The following TMEM131 variants were observed in gnomAD, a reference collection of about 807,000 sequenced individuals.
TMEM131 encodes the protein 2610524E03Rik.
A neutral mutation model predicts 211.6 loss-of-function variants in TMEM131; 66 were observed. The ratio of observed to expected loss-of-function variants is 0.31; its 90% confidence interval spans 0.26 to 0.38. The LOEUF (loss-of-function observed/expected upper bound fraction) is 0.38. Among genes scored for constraint, TMEM131 ranks in the 10% least tolerant of loss-of-function variants. The probability of loss-of-function intolerance (pLI) is 1.00; values close to 1 mark genes in which losing one functional copy is unlikely to be tolerated. For synonymous variants in TMEM131, 844 were observed against 841.3 expected (o/e 1.00, Z -0.06); for missense variants, 2,036 against 2,299.3 (o/e 0.89, Z 2.34).
At chr2:97,834,018 C>A (rs1241241876) in intron 10 of TMEM131, among the ~76,000 whole-genome samples, 1 of 152,022 alleles carries the variant, frequency 6.6e-6, no homozygotes, top group African/African-American at 2.4e-5. Context: ...AGCTTTCCAG[C>A]AAAACATAAT....
chr2:97,790,901 A>T (rs562172049), intron 31 of TMEM131, among the ~76,000 whole-genome samples: 1 of 152,368 alleles, frequency 6.6e-6, no homozygotes, highest in South Asian at 2.1e-4. Context: ...AGAACTCAAT[A>T]GAGCTAGTTT....
intron 4 of TMEM131, among the ~76,000 whole-genome samples, chr2:97,882,659 GC>G (rs1193174880): frequency 6.6e-6 from 1 of 152,156 alleles, no homozygotes; most frequent in Non-Finnish European, 1.5e-5. Flanking sequence ...TGGGCTTTGA[GC>G]TTGCTTAACC....
chr2:97,957,898 C>G (rs1678644194), intron 1 of TMEM131, among the ~76,000 whole-genome samples: 1 of 152,074 alleles, frequency 6.6e-6, no homozygotes, highest in Admixed American at 6.5e-5. Context: ...ACGGCTAAGG[C>G]TGGACCTCCT....
chr2:97,777,556 T>C (rs1391779465), intron 31 of TMEM131, among the ~76,000 whole-genome samples: 1 of 152,264 alleles, frequency 6.6e-6, no homozygotes, highest in African/African-American at 2.4e-5. Context: ...AAACATTTAC[T>C]ACCTGGCCCT....
chr2:97,830,294 G>A (rs1168170436), intron 11 of TMEM131, among the ~76,000 whole-genome samples: 1 of 152,118 alleles, frequency 6.6e-6, no homozygotes, highest in African/African-American at 2.4e-5. Context: ...CTTGTAGTAA[G>A]CATATTTATA....
At chr2:97,762,007 A>G (rs765993007) in intron 36 of TMEM131, 28 bp downstream of exon 36, 3 of 1,530,242 alleles carry the variant, frequency 2.0e-6, no homozygotes, top group Non-Finnish European at 2.6e-6. Context: ...TTTCAAGCTG[A>G]GAACCGGAAA....
At position 97,771,441 on chromosome 2, in the gene TMEM131, T is replaced by C. The variant is rs376224490; in HGVS notation, c.4448+856A>G. On this transcript the variant is annotated intron_variant, in intron 33 of 40. Coordinates refer to ENST00000186436, the MANE Select transcript of TMEM131 (RefSeq NM_015348.2). ...ATGATTCCCAGGATCAGAGTAAGAA[T>C]AGACCTTCCACAAATCTATGGCCCA... Among the ~76,000 whole-genome samples, 7 of 152,280 alleles carry C rather than the reference T, an allele frequency of 4.6e-5. No individual in the cohort carries two copies. In the East Asian group the frequency reaches 7.7e-4, roughly 17 times the overall value.
intron 26 of TMEM131, 34 bp from the exon 27 acceptor site, chr2:97,797,020 C>T (rs753120408): frequency 2.1e-5 from 34 of 1,594,658 alleles, no homozygotes; most frequent in Middle Eastern, 1.7e-4. Context: ...ATTTTTCTCT[C>T]ATTAAATCTG....
rs1681593912 is a variant in TMEM131, at chr2:97,812,487, G to A, written c.1797C>T (p.Gly599=). 1.9e-6 allele frequency: 3 copies of A among 1,612,798 alleles called. No homozygotes were observed. The highest frequency in any genetic ancestry group is 2.5e-6 in the Non-Finnish European group (3 of 1,179,338). The stretch of plus-strand genomic sequence containing the variant: ...GGCTTGAAATTATTGTAGTTCTATT[G>A]CCTCTTTCCACAGCTACAAGTTCTA... ...LSIELVAVER[G]NRTTIISSLP... is the part of the protein sequence containing the mutation. The change falls in exon 17 of 41, where the codon GGC becomes GGT. Residue 599 remains glycine (G), a synonymous_variant. Coordinates refer to ENST00000186436, the MANE Select transcript of TMEM131 (RefSeq NM_015348.2).
chr2:97,932,012 T>A (rs943138419), intron 1 of TMEM131, among the ~76,000 whole-genome samples: 2 of 151,752 alleles, frequency 1.3e-5, no homozygotes, highest in Non-Finnish European at 2.9e-5. Context: ...GAAGCAAGTC[T>A]GAAAAACATA....
At chr2:97,950,888 T>C (rs1246923143) in intron 1 of TMEM131, among the ~76,000 whole-genome samples, 1 of 152,190 alleles carries the variant, frequency 6.6e-6, no homozygotes, top group Non-Finnish European at 1.5e-5. Context: ...GAGCTTAGTT[T>C]CCAGGTACTA....
intron 4 of TMEM131, among the ~76,000 whole-genome samples, chr2:97,872,170 G>C (rs1199630043): frequency 6.6e-6 from 1 of 152,150 alleles, no homozygotes; most frequent in Non-Finnish European, 1.5e-5. Context: ...CAGGAGAGTA[G>C]GAATGATCAG....
intron 26 of TMEM131, 24 bp downstream of exon 26, chr2:97,797,341 C>T (rs1384098645): frequency 6.4e-7 from 1 of 1,552,366 alleles, no homozygotes; most frequent in Admixed American, 2.1e-5. Flanking sequence ...AAAAATGAAC[C>T]CACACCTATA....
chr2:97,986,434 A>G (rs1245125747), intron 1 of TMEM131, among the ~76,000 whole-genome samples: 2 of 152,242 alleles, frequency 1.3e-5, no homozygotes, highest in Admixed American at 1.3e-4. Flanking sequence ...GTTTTTCACC[A>G]TTTATTAATC....
In TMEM131 at chr2:97,905,579, C is replaced by T. The variant is rs187676496; in HGVS notation, c.290+3079G>A. On this transcript the variant is annotated intron_variant, in intron 3 of 40. Transcript: ENST00000186436. ...TTTTTTAGTCATTTTTCTCCCTGTGCTTCAGTTTAAATTACTGCTGTCACT... is the reference window on the plus strand; with the variant it reads ...TTTTTTAGTCATTTTTCTCCCTGTGTTTCAGTTTAAATTACTGCTGTCACT... Among the ~76,000 whole-genome samples the T allele has an allele frequency of 3.4e-4, 52 of 152,280 alleles. 1 individual carries two copies. The highest frequency in any genetic ancestry group is 3.1e-3 in the Admixed American group (47 of 15,294).
chr2:97,967,130 C>G (rs1474249916), intron 1 of TMEM131, among the ~76,000 whole-genome samples: 1 of 152,170 alleles, frequency 6.6e-6, no homozygotes, highest in Non-Finnish European at 1.5e-5. Flanking sequence ...GGGAGTTACT[C>G]AGATCCAGAC....
intron 3 of TMEM131, among the ~76,000 whole-genome samples, chr2:97,908,456 C>T (rs1271800001): frequency 6.6e-6 from 1 of 152,140 alleles, no homozygotes; most frequent in African/African-American, 2.4e-5. Flanking sequence ...ACAGGGGAGG[C>T]ATGCTACACA....
At chr2:97,985,099 T>G (rs1254617387) in intron 1 of TMEM131, among the ~76,000 whole-genome samples, 1 of 152,054 alleles carries the variant, frequency 6.6e-6, no homozygotes, top group Admixed American at 6.6e-5. Flanking sequence ...ATATAAGAAA[T>G]TTCCTATTAT....
At chr2:97,799,271 TAAAA>T (rs200143558) in intron 25 of TMEM131, among the ~76,000 whole-genome samples, 2 of 143,324 alleles carry the variant, frequency 1.4e-5, no homozygotes, top group African/African-American at 5.1e-5. Flanking sequence ...CATTTGTATT[TAAAA>T]AAAAAAAAAG....
Sources: allele counts gnomAD v4.1 joint callset (sites outside exome capture counted in the v4.1 genomes callset), GRCh38; gene constraint gnomAD v4.1.1; transcripts MANE v1.5; gene names NCBI Gene and HGNC (gene_info 2026-07-23, HGNC 2026-07-21).